The following CBL variants were observed in gnomAD, a reference collection of about 807,000 sequenced individuals.
CBL encodes Cbl proto-oncogene.
In CBL, 45 loss-of-function variants were observed where a neutral mutation model predicts 96.9. That is an observed-to-expected ratio of 0.46 (90% CI 0.37 to 0.60). The LOEUF (loss-of-function observed/expected upper bound fraction) is 0.60, where lower values mean the gene tolerates loss of function less well. Among genes scored for constraint, CBL ranks in the 20% least tolerant of loss-of-function variants. CBL has a pLI of 0.00. For synonymous variants in CBL, 420 were observed against 426.8 expected (o/e 0.98, Z 0.20); for missense variants, 1,024 against 1,143.5 (o/e 0.90, Z 1.51).
At chr11:119,227,900 T>C (rs1374027759) in intron 1 of CBL, among the ~76,000 whole-genome samples, 9 of 152,312 alleles carry the variant, frequency 5.9e-5, no homozygotes, top group African/African-American at 2.2e-4. Flanking sequence ...ATTGCTTGAT[T>C]CCTCTCACAT....
At chr11:119,284,860 T>A (rs911059923) in intron 9 of CBL, 109 bp from the exon 10 acceptor site, 1 of 1,331,088 alleles carries the variant, frequency 7.5e-7, no homozygotes, top group Non-Finnish European at 1.1e-6. Context: ...GTCTGGCCCA[T>A]TTGTAGTTTA....
In CBL at chr11:119,306,995, A is replaced by G. The variant is rs1225139633; in HGVS notation, c.*7214A>G. The G allele has an allele frequency of 8.8e-6, 2 of 227,170 alleles. No individual in the cohort carries two copies. Among genetic ancestry groups the G allele is most frequent in the Admixed American group, 1.1e-4 (2 of 17,518 alleles). The allele number at this position is 227,170 out of a possible 1,614,324, so 14.1% of individuals were successfully genotyped here. A position where few individuals can be genotyped will look rare whatever the true frequency, so the allele number is the denominator to read the frequency against. On this transcript the variant is annotated 3_prime_UTR_variant, in exon 16 of 16. Transcript: ENST00000264033. The stretch of plus-strand genomic sequence containing the variant: ...CCTTTCTAAGGCAGCACTGTATCCC[A>G]GGCTGCATTTTAGGACTTAATATGG...
intron 6 of CBL, among the ~76,000 whole-genome samples, chr11:119,277,268 CACAT>C (rs1949897099): frequency 6.6e-6 from 1 of 151,770 alleles, no homozygotes; most frequent in Non-Finnish European, 1.5e-5. Context: ...CACACACACA[CACAT>C]AAAGAATTTC....
intron 1 of CBL, among the ~76,000 whole-genome samples, chr11:119,215,068 A>G (rs1188344800): frequency 6.6e-6 from 1 of 152,154 alleles, no homozygotes; most frequent in Non-Finnish European, 1.5e-5. Flanking sequence ...AATGTAAAAC[A>G]TGAGCCGGTT....
intron 1 of CBL, among the ~76,000 whole-genome samples, chr11:119,226,749 C>T (rs1024100159): frequency 2.0e-5 from 3 of 152,178 alleles, no homozygotes; most frequent in Non-Finnish European, 4.4e-5. Context: ...TGAGCCACCA[C>T]GCCCCGCCTG....
rs755557498 is a variant in CBL at position 119,278,292 on chromosome 11, T to C, written c.1222T>C (p.Trp408Arg). 1.2e-6 allele frequency: 2 copies of C among 1,614,032 alleles called. No homozygotes were observed. The highest frequency in any genetic ancestry group is 1.7e-5 in the Admixed American group (1 of 60,014). ...CATGTGCACATCCTGTCTTACATCC[T>C]GGCAGGTACGGATCTAAACAGCGAC... Reference protein sequence around the residue: ...HLMCTSCLTSWQESEGQGCPF... With the variant: ...HLMCTSCLTSRQESEGQGCPF... The change falls in exon 8 of 16, where the codon TGG becomes CGG. Residue 408 changes from tryptophan (W) to arginine (R), a missense_variant. This residue lies in a region of CBL where 695 missense variants were observed against 661.6 expected (regional missense o/e 1.05). Transcript: ENST00000264033.
chr11:119,250,460 A>G (rs1471771260), intron 2 of CBL, among the ~76,000 whole-genome samples: 1 of 151,672 alleles, frequency 6.6e-6, no homozygotes, highest in Non-Finnish European at 1.5e-5. Flanking sequence ...TGCACTGTGA[A>G]CTCCAGATGC....
At chr11:119,268,039 A>G (rs989097129) in intron 2 of CBL, among the ~76,000 whole-genome samples, 1 of 152,238 alleles carries the variant, frequency 6.6e-6, no homozygotes, top group African/African-American at 2.4e-5. Flanking sequence ...AAGGTGAAGT[A>G]CTTGGTTTGG....
At chr11:119,232,344 A>G (rs1284607461) in intron 1 of CBL, 104 bp from the exon 2 acceptor site, 2 of 1,252,870 alleles carry the variant, frequency 1.6e-6, no homozygotes, top group African/African-American at 1.5e-5. Flanking sequence ...TGTATTTTTC[A>G]TATTTTGCAA....
intron 3 of CBL, among the ~76,000 whole-genome samples, chr11:119,272,606 C>G (rs1403591796): frequency 2.0e-5 from 3 of 152,110 alleles, no homozygotes; most frequent in African/African-American, 7.2e-5. Flanking sequence ...AAATGGTGTA[C>G]CAGTTCATAT....
chr11:119,258,560 A>G (rs1035350825), intron 2 of CBL, among the ~76,000 whole-genome samples: 3 of 152,192 alleles, frequency 2.0e-5, no homozygotes, highest in Admixed American at 6.5e-5. Flanking sequence ...ACCAGGCGCC[A>G]TCTCCAGCAC....
chr11:119,290,091 G>A (rs1193822683), intron 12 of CBL, among the ~76,000 whole-genome samples: 1 of 152,108 alleles, frequency 6.6e-6, no homozygotes, highest in African/African-American at 2.4e-5. Context: ...TGTTGCCCAG[G>A]CTGGAGTGCA....
chr11:119,285,318 T>C lies in CBL; in HGVS notation c.1693T>C (p.Leu565=). ...AGAATCCCGACCTCAAAGACGCCCCTTGCCTTGTACACCAGGCGACTGTCC... is the reference window on the plus strand; with the variant it reads ...AGAATCCCGACCTCAAAGACGCCCCCTGCCTTGTACACCAGGCGACTGTCC... The part of the protein sequence containing the change: ...GAESRPQRRP[L]PCTPGDCPSR... The change falls in exon 11 of 16, where the codon TTG becomes CTG. Residue 565 remains leucine (L), a synonymous_variant. Coordinates refer to ENST00000264033, the MANE Select transcript of CBL (RefSeq NM_005188.4). 1 of 1,614,142 alleles carries C rather than the reference T, an allele frequency of 6.2e-7. No individual in the cohort carries two copies. The highest frequency in any genetic ancestry group is 8.5e-7 in the Non-Finnish European group (1 of 1,180,016).
intron 2 of CBL, 141 bp downstream of exon 2, chr11:119,232,836 T>G: frequency 2.3e-6 from 2 of 869,006 alleles, no homozygotes; most frequent in Non-Finnish European, 3.7e-6. Context: ...ATAGTTTATA[T>G]AAAAGGTTGC....
intron 2 of CBL, among the ~76,000 whole-genome samples, chr11:119,261,687 A>C (rs573157356): frequency 6.6e-6 from 1 of 152,344 alleles, no homozygotes; most frequent in East Asian, 1.9e-4. Context: ...ATTGTGGGCA[A>C]ATGCTCCAGT....
intron 1 of CBL, among the ~76,000 whole-genome samples, chr11:119,218,907 A>G (rs923165447): frequency 3.3e-5 from 5 of 152,342 alleles, no homozygotes; most frequent in Admixed American, 3.3e-4. Flanking sequence ...GTAAGAATGA[A>G]TCTTCTACTC....
intron 2 of CBL, among the ~76,000 whole-genome samples, chr11:119,237,937 T>C (rs1252749899): frequency 6.7e-6 from 1 of 149,784 alleles, no homozygotes; most frequent in Non-Finnish European, 1.5e-5. Context: ...AGTGGCGCCA[T>C]CTTGGCTCAC....
At chr11:119,295,465 T>C (rs1950057071) in intron 12 of CBL, among the ~76,000 whole-genome samples, 3 of 152,036 alleles carry the variant, frequency 2.0e-5, no homozygotes. Context: ...CTCAGGCCTG[T>C]AATCCTAGCA....
rs1054980871 is a variant in CBL, at chr11:119,300,729, G to T, written c.*948G>T. Reference sequence around the variant, plus strand: ...GCCCTCCCCAGAAAATAGTCTGTGGGAGTCAGTTGCCTTGGTGCCAGGTAT... The same window carrying T: ...GCCCTCCCCAGAAAATAGTCTGTGGTAGTCAGTTGCCTTGGTGCCAGGTAT... On this transcript the variant is annotated 3_prime_UTR_variant, in exon 16 of 16. Coordinates refer to ENST00000264033, the MANE Select transcript of CBL (RefSeq NM_005188.4). 1 of 396,436 alleles carries T rather than the reference G, an allele frequency of 2.5e-6. No individual in the cohort carries two copies. The highest frequency in any genetic ancestry group is 4.4e-6 in the Non-Finnish European group (1 of 224,970). The allele number at this position is 396,436 out of a possible 1,614,324, so 24.6% of individuals were successfully genotyped here.
Sources: gnomAD v4.1 joint callset for allele counts (sites outside exome capture counted in the v4.1 genomes callset) on GRCh38, gnomAD v4.1.1 for gene constraint, gnomAD v4.1.1 regional missense constraint, MANE v1.5 for transcripts, NCBI Gene and HGNC (gene_info 2026-07-23, HGNC 2026-07-21) for gene names.